Variants in PDZD2 observed in about 807,000 individuals in gnomAD.
PDZD2 encodes the protein PDZ domain-containing protein 2.
Under a neutral mutation model 220.7 loss-of-function variants are expected in PDZD2, and 90 were observed. That is an observed-to-expected ratio of 0.41 (90% CI 0.34 to 0.49). PDZD2 has a LOEUF of 0.49. Ranked by LOEUF, PDZD2 falls within the 20% of genes least tolerant of loss-of-function variation. The pLI is 0.28. For synonymous variants in PDZD2, 1,375 were observed against 1,450.5 expected (o/e 0.95, Z 1.18); for missense variants, 3,174 against 3,608.5 (o/e 0.88, Z 3.08).
At chr5:31,802,862 G>T (rs1754475014) in intron 2 of PDZD2, among the ~76,000 whole-genome samples, 1 of 146,568 alleles carries the variant, frequency 6.8e-6, no homozygotes, top group African/African-American at 2.5e-5. Flanking sequence ...GGAGCTTGCA[G>T]TGAGCCGAGA....
intron 2 of PDZD2, among the ~76,000 whole-genome samples, chr5:31,934,263 CAGG>C (rs1745535031): frequency 6.6e-6 from 1 of 152,100 alleles, no homozygotes; most frequent in Non-Finnish European, 1.5e-5. Flanking sequence ...GAACTGTGAG[CAGG>C]AGTCCACGCT....
chr5:31,743,107 T>C (rs1396354792), intron 1 of PDZD2, among the ~76,000 whole-genome samples: 1 of 152,240 alleles, frequency 6.6e-6, no homozygotes, highest in African/African-American at 2.4e-5. Flanking sequence ...ATACATTGAT[T>C]TTGACCTACT....
chr5:31,721,977 C>G (rs939328231), intron 1 of PDZD2, among the ~76,000 whole-genome samples: 1 of 152,032 alleles, frequency 6.6e-6, no homozygotes, highest in Admixed American at 6.6e-5. Context: ...CTTCGTTCCT[C>G]CCTCTCTCAC....
At chr5:31,711,347 A>G (rs1748093823) in intron 1 of PDZD2, among the ~76,000 whole-genome samples, 3 of 152,150 alleles carry the variant, frequency 2.0e-5, no homozygotes, top group Non-Finnish European at 1.5e-5. Context: ...GTGACAGGGG[A>G]TGGGAAGGAA....
At chr5:31,857,599 C>G (rs973969911) in intron 2 of PDZD2, among the ~76,000 whole-genome samples, 10 of 152,156 alleles carry the variant, frequency 6.6e-5, no homozygotes, top group Non-Finnish European at 1.2e-4. Flanking sequence ...TGGTGTCATT[C>G]TAAAGGCTTA....
At chr5:31,987,851 G>T (rs1750836928) in intron 3 of PDZD2, among the ~76,000 whole-genome samples, 2 of 152,166 alleles carry the variant, frequency 1.3e-5, no homozygotes. Flanking sequence ...CCTAGGGAGA[G>T]TGGGACAGCT....
intron 2 of PDZD2, among the ~76,000 whole-genome samples, chr5:31,960,315 C>T (rs560854496): frequency 6.6e-6 from 1 of 151,838 alleles, no homozygotes; most frequent in Non-Finnish European, 1.5e-5. Flanking sequence ...CCCCCAGGTT[C>T]AAGAAGATTC....
chr5:31,945,761 C>T (rs1210725121), intron 2 of PDZD2, among the ~76,000 whole-genome samples: 4 of 151,958 alleles, frequency 2.6e-5, no homozygotes, highest in African/African-American at 2.4e-5. Context: ...TCCTGGGTCT[C>T]CTCCCCCAGG....
chr5:31,664,451 TACACAC>T (rs10629638), intron 1 of PDZD2, among the ~76,000 whole-genome samples: 78 of 144,704 alleles, frequency 5.4e-4, no homozygotes, highest in Non-Finnish European at 9.8e-4. Context: ...CATGCATGCA[TACACAC>T]ACACACACAC....
Position 32,033,407 on chromosome 5 carries a change from C to G in PDZD2, c.1408-3824C>G, listed in dbSNP as rs191699248. Among the ~76,000 whole-genome samples the G allele has an allele frequency of 1.4e-3, 209 of 152,284 alleles. 6 individuals carry two copies. The highest frequency in any genetic ancestry group is 0.013 in the Admixed American group (199 of 15,306). The stretch of plus-strand genomic sequence containing the variant: ...AGTTACAAGTCGTCTAATATCACAA[C>G]AAACTCAACGAAAAAACAGTTTTTT... On this transcript the variant is annotated intron_variant, in intron 6 of 24. Coordinates refer to ENST00000438447, the MANE Select transcript of PDZD2 (RefSeq NM_178140.4).
chr5:31,693,548 CTT>C (rs113229410), intron 1 of PDZD2, among the ~76,000 whole-genome samples: 2 of 150,342 alleles, frequency 1.3e-5, no homozygotes, highest in Non-Finnish European at 3.0e-5. Context: ...CCGAAAAGCA[CTT>C]TTTTTTTTCT....
chr5:32,030,756 A>G (rs1043110119), intron 6 of PDZD2, among the ~76,000 whole-genome samples: 5 of 152,026 alleles, frequency 3.3e-5, no homozygotes, highest in African/African-American at 4.8e-5. Flanking sequence ...AGCTAATTCC[A>G]CCTAGGAAAT....
At chr5:31,813,463 A>T (rs1226408850) in intron 2 of PDZD2, among the ~76,000 whole-genome samples, 1 of 151,930 alleles carries the variant, frequency 6.6e-6, no homozygotes, top group Non-Finnish European at 1.5e-5. Context: ...AAAAAAAAAA[A>T]AAAAAAAAAA....
chr5:31,981,022 G>T (rs925868079), intron 2 of PDZD2, among the ~76,000 whole-genome samples: 2 of 152,142 alleles, frequency 1.3e-5, no homozygotes, highest in Non-Finnish European at 2.9e-5. Context: ...CTGACCTCAG[G>T]TTATCCTCCT....
At chr5:31,921,160 G>A (rs1020313523) in intron 2 of PDZD2, among the ~76,000 whole-genome samples, 5 of 152,236 alleles carry the variant, frequency 3.3e-5, no homozygotes, top group East Asian at 3.9e-4. Context: ...TGTGACAAAC[G>A]GGACATGGTC....
At chr5:32,039,517 C>T (rs538866151) in intron 7 of PDZD2, among the ~76,000 whole-genome samples, 387 of 152,322 alleles carry the variant, frequency 2.5e-3, no homozygotes, top group Non-Finnish European at 3.9e-3. Context: ...AGCCTCTGCC[C>T]GCCCGCCACC....
intron 1 of PDZD2, among the ~76,000 whole-genome samples, chr5:31,758,696 C>T (rs80134393): frequency 0.016 from 2,502 of 152,252 alleles, 64 homozygotes; most frequent in African/African-American, 0.057. Flanking sequence ...AAGAGTCCTC[C>T]TCCCTCCCTT....
chr5:32,098,788 G>C lies in PDZD2; in HGVS notation c.8218+154G>C, dbSNP rs571809712. On this transcript the variant is annotated intron_variant, in intron 23 of 24. Coordinates refer to ENST00000438447, the MANE Select transcript of PDZD2 (RefSeq NM_178140.4). The surrounding 1 kb of genome is among the most constrained non-coding windows in gnomAD (Gnocchi z 4.1). ...GTGTGTTTGGATGCTGCTTACAAAA[G>C]CAGTGTTACAAATAAATTAGAAAAA... Among the ~76,000 whole-genome samples the C allele has an allele frequency of 6.6e-6, 1 of 152,310 alleles. No individual in the cohort carries two copies. Among genetic ancestry groups the C allele is most frequent in the East Asian group, 1.9e-4 (1 of 5,188 alleles).
At chr5:32,073,229 T>C (rs188270428) in intron 17 of PDZD2, among the ~76,000 whole-genome samples, 198 of 152,344 alleles carry the variant, frequency 1.3e-3, no homozygotes, top group African/African-American at 4.6e-3. Context: ...TCTGTTCTTA[T>C]AGAAACATTT....
Sources: allele counts gnomAD v4.1 joint callset (sites outside exome capture counted in the v4.1 genomes callset), GRCh38; gene constraint gnomAD v4.1.1; non-coding constraint Gnocchi (gnomAD v3.1); transcripts MANE v1.5; gene names NCBI Gene and HGNC (gene_info 2026-07-23, HGNC 2026-07-21).